GALNTL6: variants seen among roughly 807,000 people sequenced by gnomAD.
GALNTL6 encodes the protein polypeptide N-acetylgalactosaminyltransferase-like 6.
Under a neutral mutation model 73.7 loss-of-function variants are expected in GALNTL6, and 46 were observed. The observed-to-expected ratio is 0.62, with a 90% CI of 0.49 to 0.80. GALNTL6 has a LOEUF of 0.80. Ranked by LOEUF, GALNTL6 falls within the 30% of genes least tolerant of loss-of-function variation. The probability of loss-of-function intolerance (pLI) is 0.00; values close to 1 mark genes in which losing one functional copy is unlikely to be tolerated. For synonymous variants in GALNTL6, 259 were observed against 263.7 expected, an observed-to-expected ratio of 0.98 and a Z score of 0.17; for missense variants, 604 against 755.0, an observed-to-expected ratio of 0.80 and a Z score of 2.34.
intron 3 of GALNTL6, among the ~76,000 whole-genome samples, chr4:172,303,220 G>A (rs948394965): frequency 2.6e-5 from 4 of 152,076 alleles, no homozygotes; most frequent in Non-Finnish European, 5.9e-5. Flanking sequence ...GGCTGGTCTT[G>A]AACTCCTGAC....
At chr4:172,284,496 C>G (rs1739180104) in intron 3 of GALNTL6, among the ~76,000 whole-genome samples, 1 of 151,990 alleles carries the variant, frequency 6.6e-6, no homozygotes, top group African/African-American at 2.4e-5. Context: ...ATGGCCAAAT[C>G]CCATTTACCC....
chr4:172,438,881 G>A (rs910521045), intron 5 of GALNTL6, among the ~76,000 whole-genome samples: 1 of 151,920 alleles, frequency 6.6e-6, no homozygotes, highest in African/African-American at 2.4e-5. Context: ...AGGGGGCTCA[G>A]ACAAGAATTT....
At position 172,976,969 on chromosome 4, in the gene GALNTL6, G is replaced by A. The variant is rs145698220; in HGVS notation, c.1371+24711G>A. ...AAATCCAGGTGTGAGTAAAATCAGT[G>A]CATTTGGTCTCAGAAAGCTATGTAG... On this transcript the variant is annotated intron_variant, in intron 10 of 12. Transcript: ENST00000506823. Among the ~76,000 whole-genome samples the A allele has an allele frequency of 1.3e-4, 20 of 152,340 alleles. 1 individual carries two copies. In the East Asian group the frequency reaches 3.9e-3, roughly 29 times the overall value.
chr4:171,850,852 A>C (rs1186966089), intron 2 of GALNTL6, among the ~76,000 whole-genome samples: 1 of 152,098 alleles, frequency 6.6e-6, no homozygotes, highest in Non-Finnish European at 1.5e-5. Context: ...CTAGGATTTT[A>C]GATTTAGTTT....
At chr4:172,120,928 A>G (rs1466140887) in intron 2 of GALNTL6, among the ~76,000 whole-genome samples, 1 of 152,018 alleles carries the variant, frequency 6.6e-6, no homozygotes, top group Non-Finnish European at 1.5e-5. Flanking sequence ...GCTAATGAAC[A>G]TTGCAGCACC....
intron 2 of GALNTL6, among the ~76,000 whole-genome samples, chr4:172,003,689 C>T (rs1446064587): frequency 6.6e-6 from 1 of 152,076 alleles, no homozygotes; most frequent in Non-Finnish European, 1.5e-5. Flanking sequence ...CTTCGAAAGA[C>T]CGTTTGGGCT....
intron 5 of GALNTL6, among the ~76,000 whole-genome samples, chr4:172,408,030 G>T (rs1561069492): frequency 6.6e-6 from 1 of 151,990 alleles, no homozygotes; most frequent in South Asian, 2.1e-4. Context: ...AGGAAACACT[G>T]CCTTTTTCTT....
At chr4:172,349,342 T>G (rs979815045) in intron 5 of GALNTL6, among the ~76,000 whole-genome samples, 4 of 152,112 alleles carry the variant, frequency 2.6e-5, no homozygotes, top group Non-Finnish European at 5.9e-5. Context: ...CATTTTATAA[T>G]TTACCTTATA....
chr4:172,157,018 A>T (rs1734309317), intron 2 of GALNTL6, among the ~76,000 whole-genome samples: 1 of 152,050 alleles, frequency 6.6e-6, no homozygotes, highest in South Asian at 2.1e-4. Flanking sequence ...TTTGTGTTCA[A>T]AACACTTTTA....
chr4:171,934,715 C>T (rs1255237321), intron 2 of GALNTL6, among the ~76,000 whole-genome samples: 1 of 152,126 alleles, frequency 6.6e-6, no homozygotes, highest in Admixed American at 6.6e-5. Context: ...TGCACCCAGC[C>T]AAGACCCTTC....
intron 10 of GALNTL6, among the ~76,000 whole-genome samples, chr4:172,990,428 G>T (rs2126454203): frequency 6.6e-6 from 1 of 152,154 alleles, no homozygotes; most frequent in East Asian, 1.9e-4. Context: ...AAAAAGATCA[G>T]CAGTATGTCA....
intron 5 of GALNTL6, among the ~76,000 whole-genome samples, chr4:172,567,040 A>G (rs1736579391): frequency 6.6e-6 from 1 of 151,814 alleles, no homozygotes; most frequent in Admixed American, 6.6e-5. Flanking sequence ...AAAAAAAAAA[A>G]GAATTCTGTT....
chr4:172,198,623 T>G, intron 2 of GALNTL6, among the ~76,000 whole-genome samples: 1 of 151,944 alleles, frequency 6.6e-6, no homozygotes, highest in East Asian at 1.9e-4. Context: ...ACTTTATCAC[T>G]TAGCAGGAAA....
intron 2 of GALNTL6, among the ~76,000 whole-genome samples, chr4:171,917,530 G>T (rs1737665575): frequency 6.6e-6 from 1 of 151,998 alleles, no homozygotes. Context: ...CCTAAGCAAA[G>T]TTGGGTTTGG....
At chr4:171,861,447 G>C (rs1265350682) in intron 2 of GALNTL6, among the ~76,000 whole-genome samples, 1 of 152,096 alleles carries the variant, frequency 6.6e-6, no homozygotes, top group African/African-American at 2.4e-5. Context: ...TGCTTTTCCT[G>C]ACCTGTCTCC....
At chr4:172,041,889 T>C (rs1175658200) in intron 2 of GALNTL6, among the ~76,000 whole-genome samples, 2 of 152,114 alleles carry the variant, frequency 1.3e-5, no homozygotes, top group African/African-American at 4.8e-5. Flanking sequence ...AATGAGGTTA[T>C]GCCATTTCCA....
chr4:171,975,973 AGTGC>A (rs2111072098), intron 2 of GALNTL6, among the ~76,000 whole-genome samples: 1 of 152,200 alleles, frequency 6.6e-6, no homozygotes, highest in Admixed American at 6.5e-5. Context: ...CCCAGGCTGG[AGTGC>A]ATTGGTGCAA....
intron 2 of GALNTL6, chr4:171,815,619 A>G (rs1734506093): frequency 6.6e-6 from 1 of 152,202 alleles, no homozygotes; most frequent in Non-Finnish European, 1.5e-5. Context: ...TTGATAAACC[A>G]CTTTTTCAGT....
Position 172,063,699 on chromosome 4 carries a change from C to G in GALNTL6, c.139-165957C>G, listed in dbSNP as rs191316256. On this transcript the variant is annotated intron_variant, in intron 2 of 12. Coordinates refer to ENST00000506823, the MANE Select transcript of GALNTL6 (RefSeq NM_001034845.3). ...GACAATCCATAAAGCCCTTTAGTGT[C>G]TCTCCTGGGTGGTAAAAATGCAGTT... Among the ~76,000 whole-genome samples, 55 of 152,218 alleles carry G rather than the reference C, an allele frequency of 3.6e-4. 1 individual carries two copies. Among genetic ancestry groups the G allele is most frequent in the African/African-American group, 1.2e-3 (51 of 41,552 alleles).
Sources: allele counts gnomAD v4.1 joint callset (sites outside exome capture counted in the v4.1 genomes callset), GRCh38; gene constraint gnomAD v4.1.1; transcripts MANE v1.5; gene names NCBI Gene and HGNC (gene_info 2026-07-23, HGNC 2026-07-21).